Variants in DIAPH3 observed in about 807,000 individuals in gnomAD.
DIAPH3 encodes the protein diaphanous related formin 3, also known as protein diaphanous homolog 3.
In DIAPH3, 117 loss-of-function variants were observed where a neutral mutation model predicts 144.3. The ratio of observed to expected loss-of-function variants is 0.81; its 90% CI spans 0.70 to 0.95. DIAPH3 has a LOEUF of 0.95. Ranked by LOEUF, DIAPH3 falls within the 40% of genes least tolerant of loss-of-function variation. DIAPH3 has a pLI of 0.00. For synonymous variants in DIAPH3, 519 were observed against 488.9 expected (o/e 1.06, Z -0.81); for missense variants, 1,421 against 1,412.7 (o/e 1.01, Z -0.09).
chr13:59,720,340 T>A (rs1221317381), intron 27 of DIAPH3, among the ~76,000 whole-genome samples: 1 of 152,182 alleles, frequency 6.6e-6, no homozygotes, highest in East Asian at 1.9e-4. Context: ...GAACCATATA[T>A]ATTTATTACT....
Position 60,065,349 on chromosome 13 carries a change from C to T in DIAPH3, c.496-22529G>A, listed in dbSNP as rs1420051024. Among the ~76,000 whole-genome samples the T allele has an allele frequency of 7.4e-5, 11 of 147,710 alleles. No homozygotes were observed. The South Asian group carries it at 2.2e-3, about 30-fold the overall frequency. On this transcript the variant is annotated intron_variant, in intron 4 of 27. Coordinates refer to ENST00000400324, the MANE Select transcript of DIAPH3 (RefSeq NM_001042517.2). Reference sequence around the variant, plus strand: ...ACCTATATTAATAATAGTAAAACTACAACTATTATAATACAACTATTATAA... The same window carrying T: ...ACCTATATTAATAATAGTAAAACTATAACTATTATAATACAACTATTATAA...
intron 13 of DIAPH3, among the ~76,000 whole-genome samples, chr13:59,982,424 C>G (rs1161883101): frequency 6.6e-6 from 1 of 151,370 alleles, no homozygotes; most frequent in South Asian, 2.1e-4. Context: ...CCACTCCCCC[C>G]ACCCCAGGAA....
intron 27 of DIAPH3, among the ~76,000 whole-genome samples, chr13:59,768,911 T>C (rs1317681902): frequency 6.6e-6 from 1 of 152,180 alleles, no homozygotes; most frequent in East Asian, 1.9e-4. Flanking sequence ...ATAATACTTG[T>C]TTGCCTAAAA....
chr13:60,060,799 A>G (rs564991706), intron 4 of DIAPH3, among the ~76,000 whole-genome samples: 1 of 152,112 alleles, frequency 6.6e-6, no homozygotes, highest in Non-Finnish European at 1.5e-5. Flanking sequence ...ATTCACAAAC[A>G]TGAAAATTTA....
At chr13:59,766,830 C>T (rs1010692658) in intron 27 of DIAPH3, among the ~76,000 whole-genome samples, 2 of 151,988 alleles carry the variant, frequency 1.3e-5, no homozygotes, top group Non-Finnish European at 2.9e-5. Flanking sequence ...AAGCTCCACT[C>T]CTCCTCCAGC....
intron 9 of DIAPH3, 71 bp from the exon 10 acceptor site, chr13:59,992,654 A>C (rs967184949): frequency 3.3e-6 from 4 of 1,212,854 alleles, no homozygotes; most frequent in Non-Finnish European, 4.8e-6. Flanking sequence ...CGTAAACTTC[A>C]AGGTTTTGTT....
intron 27 of DIAPH3, among the ~76,000 whole-genome samples, chr13:59,760,650 G>C (rs947836130): frequency 6.6e-6 from 1 of 152,144 alleles, no homozygotes; most frequent in African/African-American, 2.4e-5. Context: ...TTTAATGGAG[G>C]AAGGTATGCA....
intron 17 of DIAPH3, among the ~76,000 whole-genome samples, chr13:59,933,009 T>C (rs571748996): frequency 3.9e-5 from 6 of 152,318 alleles, no homozygotes; most frequent in Admixed American, 3.9e-4. Flanking sequence ...CCAGCAAAAA[T>C]GTTTTATGCA....
intron 20 of DIAPH3, among the ~76,000 whole-genome samples, chr13:59,898,232 T>A (rs1256762088): frequency 1.3e-5 from 2 of 150,704 alleles, no homozygotes; most frequent in Admixed American, 6.6e-5. Context: ...CACTATACAC[T>A]ACACACATGC....
chr13:59,848,229 T>C (rs1348419776), intron 22 of DIAPH3, among the ~76,000 whole-genome samples: 2 of 152,004 alleles, frequency 1.3e-5, no homozygotes, highest in East Asian at 1.9e-4. Flanking sequence ...CCTTTGAAAA[T>C]TTAAGTCAGA....
At chr13:59,996,784 G>C (rs1050709236) in intron 9 of DIAPH3, among the ~76,000 whole-genome samples, 2 of 151,990 alleles carry the variant, frequency 1.3e-5, no homozygotes, top group Non-Finnish European at 2.9e-5. Flanking sequence ...AACGATCAAA[G>C]GAAAATCATT....
chr13:59,824,699 T>C (rs772252817), intron 24 of DIAPH3, among the ~76,000 whole-genome samples: 3 of 152,158 alleles, frequency 2.0e-5, no homozygotes, highest in Non-Finnish European at 2.9e-5. Context: ...CACATATGTC[T>C]ATACCCATCT....
intron 6 of DIAPH3, 35 bp from the exon 7 acceptor site, chr13:60,016,017 A>G: frequency 1.2e-6 from 2 of 1,610,174 alleles, no homozygotes; most frequent in Non-Finnish European, 1.7e-6. Context: ...TGTTGGAATT[A>G]TAATTGGACA....
intron 9 of DIAPH3, among the ~76,000 whole-genome samples, chr13:60,007,714 C>CT (rs1398317417): frequency 2.0e-5 from 3 of 151,876 alleles, no homozygotes; most frequent in African/African-American, 4.8e-5. Context: ...GCCTCTTTTC[C>CT]TTTTTTTAAA....
intron 25 of DIAPH3, among the ~76,000 whole-genome samples, chr13:59,781,613 T>C (rs777445617): frequency 6.6e-6 from 1 of 152,166 alleles, no homozygotes; most frequent in Non-Finnish European, 1.5e-5. Flanking sequence ...AGCAAATCTA[T>C]TGTGTCGGAC....
At chr13:59,774,426 C>A (rs1480214404) in intron 26 of DIAPH3, among the ~76,000 whole-genome samples, 178 bp from the exon 27 acceptor site, 1 of 152,086 alleles carries the variant, frequency 6.6e-6, no homozygotes, top group Non-Finnish European at 1.5e-5. Context: ...TTTAATTATG[C>A]TACTGTAAAC....
At chr13:60,105,115 A>AAAAAAAC (rs2058382592) in intron 3 of DIAPH3, among the ~76,000 whole-genome samples, 2 of 150,944 alleles carry the variant, frequency 1.3e-5, no homozygotes, top group African/African-American at 4.9e-5. Context: ...AAAAAAAAAA[A>AAAAAAAC]AAAAAAAAAA....
At chr13:60,131,582 C>T (rs901649192) in intron 2 of DIAPH3, among the ~76,000 whole-genome samples, 1 of 150,664 alleles carries the variant, frequency 6.6e-6, no homozygotes, top group East Asian at 1.9e-4. Flanking sequence ...ATGTCCAGAA[C>T]AGGCAAATCT....
At chr13:59,730,849 A>G (rs2035860243) in intron 27 of DIAPH3, among the ~76,000 whole-genome samples, 1 of 152,202 alleles carries the variant, frequency 6.6e-6, no homozygotes, top group Non-Finnish European at 1.5e-5. Flanking sequence ...TATTTAACAC[A>G]GTTCCCAGCA....
Sources: gnomAD v4.1 joint callset for allele counts (sites outside exome capture counted in the v4.1 genomes callset) on GRCh38, gnomAD v4.1.1 for gene constraint, MANE v1.5 for transcripts, NCBI Gene and HGNC (gene_info 2026-07-23, HGNC 2026-07-21) for gene names.